TTN: variants seen among roughly 807,000 people sequenced by gnomAD.
The protein encoded by TTN is titin.
A neutral mutation model predicts 3,223.0 loss-of-function variants in TTN; 1,525 were observed. The ratio of observed to expected loss-of-function variants is 0.47; its 90% CI spans 0.45 to 0.49. The LOEUF (loss-of-function observed/expected upper bound fraction) is 0.49, where lower values mean the gene tolerates loss of function less well. Ranked by LOEUF, TTN falls within the 20% of genes least tolerant of loss-of-function variation. The probability of loss-of-function intolerance (pLI) is 0.00; values close to 1 mark genes in which losing one functional copy is unlikely to be tolerated. For missense variants in TTN, 40,786 were observed against 43,424.0 expected (o/e 0.94, Z 5.40); for synonymous variants, 14,094 against 15,161.0 (o/e 0.93, Z 5.17).
chr2:178,612,265 G>A lies in TTN; in HGVS notation c.50248+12C>T, dbSNP rs749209819. ...GCACTTATTGTCACAAAGATTAAGT[G>A]CAAGAGCATACTAAAGGTGTCTTTG... On this transcript the variant is annotated intron_variant, in intron 266 of 362. Transcript: ENST00000589042. The A allele has an allele frequency of 1.2e-6, 2 of 1,611,370 alleles. No individual in the cohort carries two copies. Among genetic ancestry groups the A allele is most frequent in the Non-Finnish European group, 8.5e-7 (1 of 1,178,864 alleles).
Position 178,719,425 on chromosome 2 carries a change from G to A in TTN, c.23965C>T (p.Arg7989Cys), listed in dbSNP as rs201653851. The A allele has an allele frequency of 1.7e-4, 277 of 1,612,900 alleles. No homozygotes were observed. The highest frequency in any genetic ancestry group is 7.1e-4 in the East Asian group (32 of 44,854). The change falls in exon 83 of 363, where the codon CGC (arginine) becomes TGC (cysteine). Residue 7989 changes from arginine to cysteine, a missense_variant. Arg to Cys is a radical substitution (Grantham distance 180, BLOSUM62 -3). Transcript: ENST00000589042. ...SDRIVPPSFI[R>C]KLKDVNAILG... is the part of the protein sequence containing the mutation. ...ATGGCATTCACGTCTTTCAGCTTGCGGATGAAGGAAGGAGGCACAATCCGA... is the reference window on the plus strand; with the variant it reads ...ATGGCATTCACGTCTTTCAGCTTGCAGATGAAGGAAGGAGGCACAATCCGA...
At position 178,541,335 on chromosome 2, in the gene TTN, C is replaced by T; in HGVS notation, c.97742G>A (p.Gly32581Glu). Residue 32581 changes from glycine to glutamate, a missense_variant, in exon 350 of 363, where the codon GGG (glycine) becomes GAG (glutamate). By Grantham distance (98) the Gly-to-Glu change is moderately conservative. Transcript: ENST00000589042. ...GGAAGGACGACTTGGTTTCCCAGAC[C>T]CTCTTGCATTAATGGCTGTGACACG... is the stretch of plus-strand genomic sequence containing the variant. Reference protein sequence around the residue: ...EHRVTAINARGSGKPSRPSKP... With the variant: ...EHRVTAINARESGKPSRPSKP... The T allele has an allele frequency of 6.4e-7, 1 of 1,571,422 alleles. No homozygotes were observed. The highest frequency in any genetic ancestry group is 1.2e-5 in the South Asian group (1 of 85,988).
chr2:178,582,808 CATA>C, intron 313 of TTN, 129 bp downstream of exon 313: 1 of 974,994 alleles, frequency 1.0e-6, no homozygotes, highest in Non-Finnish European at 1.4e-6. Flanking sequence ...GTGGTTCTGT[CATA>C]AGAATAATTC....
chr2:178,675,608 T>C (rs2067907475), intron 149 of TTN, 63 bp downstream of exon 149: 1 of 1,244,298 alleles, frequency 8.0e-7, no homozygotes, highest in African/African-American at 1.5e-5. Context: ...GAGTGTCCTG[T>C]GTGGATAGAA....
In TTN at chr2:178,603,862, G is replaced by C; in HGVS notation, c.54811+14C>G. 1 of 1,524,832 alleles carries C rather than the reference G, an allele frequency of 6.6e-7. No homozygotes were observed. Among genetic ancestry groups the C allele is most frequent in the Non-Finnish European group, 8.9e-7 (1 of 1,124,756 alleles). 94.5% of individuals were successfully genotyped at this position (1,524,832 alleles called of 1,614,324 possible). On this transcript the variant is annotated intron_variant, in intron 282 of 362. Coordinates refer to ENST00000589042, the MANE Select transcript of TTN (RefSeq NM_001267550.2). Reference sequence around the variant, plus strand: ...GCTTTAGAAATTAGTCCCCAGAAACGGAAGCATACTTACATATGGGATCTC... The same window carrying C: ...GCTTTAGAAATTAGTCCCCAGAAACCGAAGCATACTTACATATGGGATCTC...
chr2:178,769,947 A>C lies in TTN; in HGVS notation c.8642-8T>G. The C allele has an allele frequency of 6.2e-7, 1 of 1,614,106 alleles. No individual in the cohort carries two copies. The highest frequency in any genetic ancestry group is 8.5e-7 in the Non-Finnish European group (1 of 1,180,008). ...TTTTTGTAATATGTAATGCTTGGTAAAATCAAAGAGCACTTCAGTTAATAC... is the reference window on the plus strand; with the variant it reads ...TTTTTGTAATATGTAATGCTTGGTACAATCAAAGAGCACTTCAGTTAATAC... On this transcript the variant is annotated splice_region_variant and splice_polypyrimidine_tract_variant and intron_variant, in intron 36 of 362. Coordinates refer to ENST00000589042, the MANE Select transcript of TTN (RefSeq NM_001267550.2).
intron 47 of TTN, chr2:178,748,272 G>C (rs973896567): frequency 2.5e-6 from 4 of 1,612,826 alleles, no homozygotes; most frequent in African/African-American, 2.7e-5. Context: ...TCTAAGTTTT[G>C]TTCCTGTACA....
rs554308191 is a variant in TTN at position 178,589,949 on chromosome 2, G to T, written c.61776C>A (p.Asn20592Lys). 5 of 1,613,138 alleles carry T rather than the reference G, an allele frequency of 3.1e-6. No homozygotes were observed. In the South Asian group the frequency reaches 5.5e-5, roughly 18 times the overall value. The change falls in exon 304 of 363, where the codon AAC becomes AAA. Residue 20592 changes from asparagine to lysine, a missense_variant. Coordinates refer to ENST00000589042, the MANE Select transcript of TTN (RefSeq NM_001267550.2). ...TTTCTGAGCCACCATTATCTAGTGG[G>T]TTTTCCCAAGAAATTGTACAGTTCT... is the stretch of plus-strand genomic sequence containing the variant. ...TKENCTISWE[N>K]PLDNGGSEIT...
chr2:178,787,938 G>A (rs747336842), intron 13 of TTN, among the ~76,000 whole-genome samples: 2 of 152,016 alleles, frequency 1.3e-5, no homozygotes, highest in Non-Finnish European at 2.9e-5. Context: ...ATTCATACGA[G>A]TTAAATGCTG....
rs370077023 is a variant in TTN at position 178,533,958 on chromosome 2, A to T, written c.102657T>A (p.Ser34219Arg). 148 of 1,613,890 alleles carry T rather than the reference A, an allele frequency of 9.2e-5. No homozygotes were observed. The African/African-American group carries it at 1.8e-3, about 20-fold the overall frequency. ...CKVVNDYGED[S>R]SYAELFVKGV... ...CTTTAACAAATAGCTCTGCATAAGAACTGTCTTCACCATAGTCATTGACTA... is the reference window on the plus strand; with the variant it reads ...CTTTAACAAATAGCTCTGCATAAGATCTGTCTTCACCATAGTCATTGACTA... The change falls in exon 358 of 363, where the codon AGT (serine) becomes AGA (arginine). Residue 34219 changes from serine (S) to arginine (R), a missense_variant. Coordinates refer to ENST00000589042, the MANE Select transcript of TTN (RefSeq NM_001267550.2).
intron 170 of TTN, 22 bp downstream of exon 170, chr2:178,663,797 G>A: frequency 6.2e-7 from 1 of 1,613,302 alleles, no homozygotes; most frequent in Non-Finnish European, 8.5e-7. Flanking sequence ...GAGATCTGAA[G>A]CCTAAGGTCA....
At chr2:178,549,958 T>G (rs1255390791) in intron 337 of TTN, 28 bp downstream of exon 337, 2 of 1,577,474 alleles carry the variant, frequency 1.3e-6, no homozygotes, top group Non-Finnish European at 1.7e-6. Flanking sequence ...TCATAAATTG[T>G]AGCATTAAGA....
At position 178,570,544 on chromosome 2, in the gene TTN, A is replaced by G; in HGVS notation, c.75588T>C (p.Thr25196=). 6.2e-7 allele frequency: 1 copy of G among 1,613,340 alleles called. No individual in the cohort carries two copies. The highest frequency in any genetic ancestry group is 1.1e-5 in the South Asian group (1 of 91,072). The stretch of plus-strand genomic sequence containing the variant: ...GTCTGTCAAGAACCTTGACATTCAC[A>G]GTAACTGATCTTTCTCCTGCAACAT... ...AKNVAGERSV[T]VNVKVLDRPG... Residue 25196 remains threonine, a synonymous_variant, in exon 326 of 363, where the codon ACT becomes ACC. Transcript: ENST00000589042.
chr2:178,649,514 A>G, intron 212 of TTN, 40 bp downstream of exon 212: 2 of 1,530,112 alleles, frequency 1.3e-6, no homozygotes, highest in Non-Finnish European at 1.8e-6. Context: ...AAGATATCAG[A>G]ATACTTTCTT....
intron 149 of TTN, 73 bp from the exon 150 acceptor site, chr2:178,675,186 T>C: frequency 1.0e-6 from 1 of 975,818 alleles, no homozygotes; most frequent in Non-Finnish European, 1.5e-6. Context: ...CGTTTCCAGT[T>C]TCCAACATAA....
chr2:178,535,859 A>G lies in TTN; in HGVS notation c.100766-10T>C, dbSNP rs202214630. Reference sequence around the variant, plus strand: ...TGTATCTTAGCTGGAACTGTATCAGAAAAAAAAAAAAAAAGAATATAATTT... The same window carrying G: ...TGTATCTTAGCTGGAACTGTATCAGGAAAAAAAAAAAAAAGAATATAATTT... On this transcript the variant is annotated splice_polypyrimidine_tract_variant and intron_variant, in intron 357 of 362. Transcript: ENST00000589042. 28,857 of 394,778 alleles carry G rather than the reference A, an allele frequency of 0.073. 85 individuals carry two copies. Among genetic ancestry groups the G allele is most frequent in the East Asian group, 0.14 (2,019 of 14,720 alleles). The allele number at this position is 394,778 out of a possible 1,614,324, so 24.5% of individuals were successfully genotyped here.
chr2:178,781,927 TGTGG>T (rs1554016476), intron 20 of TTN, among the ~76,000 whole-genome samples: 7 of 151,394 alleles, frequency 4.6e-5, no homozygotes, highest in Middle Eastern at 6.8e-3. Context: ...TGTGTGTGTG[TGTGG>T]GTGTGTTTGT....
At position 178,777,910 on chromosome 2, in the gene TTN, G is replaced by A. The variant is rs746063269; in HGVS notation, c.4274C>T (p.Ala1425Val). The change falls in exon 25 of 363, where the codon GCA becomes GTA. Residue 1425 changes from alanine to valine, a missense_variant. Physicochemically the swap from Ala to Val is moderately conservative, Grantham distance 64. Coordinates refer to ENST00000589042, the MANE Select transcript of TTN (RefSeq NM_001267550.2). ...IRMSPARMSP[A>V]RMSPARMSPA... ...GGACATCCGTGCAGGAGACATCCTT[G>A]CAGGTGACATCCGTGCAGGAGACAT... is the stretch of plus-strand genomic sequence containing the variant. 3.3e-5 allele frequency: 53 copies of A among 1,613,812 alleles called. No individual in the cohort carries two copies. Among genetic ancestry groups the A allele is most frequent in the Admixed American group, 5.0e-5 (3 of 59,966 alleles).
Position 178,732,887 on chromosome 2 carries a change from C to T in TTN, c.16289G>A (p.Arg5430Gln), listed in dbSNP as rs746130933. 6 of 1,613,232 alleles carry T rather than the reference C, an allele frequency of 3.7e-6. No individual in the cohort carries two copies. The highest frequency in any genetic ancestry group is 4.5e-5 in the East Asian group (2 of 44,766). Residue 5430 changes from arginine to glutamine, a missense_variant, in exon 55 of 363, where the codon CGA becomes CAA. Transcript: ENST00000589042. ...TTTGCTTCCCACGGAATTTGTGGCT[C>T]GACAAGTGAAATTCCCTGCATCATT... The part of the protein sequence containing the change: ...DMNDAGNFTC[R>Q]ATNSVGSKDS...
Sources: gnomAD v4.1 joint callset for allele counts (sites outside exome capture counted in the v4.1 genomes callset) on GRCh38, gnomAD v4.1.1 for gene constraint, MANE v1.5 for transcripts, NCBI Gene and HGNC (gene_info 2026-07-23, HGNC 2026-07-21) for gene names.